The following HPSE2 variants were observed in gnomAD, a reference collection of about 807,000 sequenced individuals.
HPSE2 encodes inactive heparanase-2.
In HPSE2, 38 loss-of-function variants were observed where a neutral mutation model predicts 60.5. That is an observed-to-expected ratio of 0.63 (90% CI 0.48 to 0.82). HPSE2 has a LOEUF of 0.82. Among genes scored for constraint, HPSE2 ranks in the 40% least tolerant of loss-of-function variants. HPSE2 has a pLI of 0.00. For missense variants in HPSE2, 713 were observed against 740.4 expected (o/e 0.96, Z 0.43); for synonymous variants, 295 against 293.2 (o/e 1.01, Z -0.06).
chr10:98,725,312 C>A (rs1276402232), intron 4 of HPSE2, among the ~76,000 whole-genome samples: 1 of 152,124 alleles, frequency 6.6e-6, no homozygotes, highest in East Asian at 1.9e-4. Flanking sequence ...TGGAACAGAA[C>A]AGAGCCCTCA....
intron 6 of HPSE2, among the ~76,000 whole-genome samples, chr10:98,645,378 A>G (rs1307556593): frequency 6.6e-6 from 1 of 152,228 alleles, no homozygotes; most frequent in African/African-American, 2.4e-5. Context: ...CTTCAAGAGA[A>G]TAAGGGAAAT....
At chr10:99,004,396 C>T (rs1325605284) in intron 3 of HPSE2, among the ~76,000 whole-genome samples, 1 of 151,682 alleles carries the variant, frequency 6.6e-6, no homozygotes, top group Admixed American at 6.6e-5. Context: ...GTATGCTTTA[C>T]CATCTTACTT....
chr10:98,945,443 C>T (rs1335441958), intron 3 of HPSE2, among the ~76,000 whole-genome samples: 1 of 152,126 alleles, frequency 6.6e-6, no homozygotes, highest in Non-Finnish European at 1.5e-5. Context: ...GAAAGATTCT[C>T]TCATTGCTTT....
At chr10:99,133,013 A>C (rs1370942875) in intron 3 of HPSE2, among the ~76,000 whole-genome samples, 1 of 152,208 alleles carries the variant, frequency 6.6e-6, no homozygotes, top group African/African-American at 2.4e-5. Context: ...CTGCCAGCAC[A>C]CCAGCAGTCT....
intron 7 of HPSE2, among the ~76,000 whole-genome samples, chr10:98,637,690 C>G (rs78955613): frequency 0.027 from 4,086 of 152,282 alleles, 208 homozygotes; most frequent in African/African-American, 0.093. Flanking sequence ...ATTTATCAAG[C>G]CACTCCCACA....
intron 3 of HPSE2, among the ~76,000 whole-genome samples, chr10:98,756,124 C>T (rs964618889): frequency 2.0e-5 from 3 of 151,984 alleles, no homozygotes; most frequent in Non-Finnish European, 2.9e-5. Flanking sequence ...TTCTTTAAGA[C>T]GAATGAAAAC....
Position 99,144,509 on chromosome 10 carries a change from C to T in HPSE2, c.449-110G>A, listed in dbSNP as rs545516926. 232 of 1,264,874 alleles carry T rather than the reference C, an allele frequency of 1.8e-4. 1 individual carries two copies. The African/African-American group carries it at 3.0e-3, about 17-fold the overall frequency. 78.4% of individuals were successfully genotyped at this position (1,264,874 alleles called of 1,614,324 possible). A position where few individuals can be genotyped will look rare whatever the true frequency, so the allele number is the denominator to read the frequency against. On this transcript the variant is annotated intron_variant, in intron 2 of 11. Coordinates refer to ENST00000370552, the MANE Select transcript of HPSE2 (RefSeq NM_021828.5). ...AATGACAGAATTAATAAGCTACCAG[C>T]ATTTTCATCAACCTAAAGAGATGCA...
chr10:99,066,179 G>A (rs923198411), intron 3 of HPSE2, among the ~76,000 whole-genome samples: 1 of 152,170 alleles, frequency 6.6e-6, no homozygotes, highest in African/African-American at 2.4e-5. Context: ...TATCTGGATA[G>A]TCTCTGCCAA....
the HPSE2 span, among the ~76,000 whole-genome samples, chr10:99,253,109 T>C: frequency 6.6e-6 from 1 of 152,170 alleles, no homozygotes; most frequent in Admixed American, 6.5e-5. Context: ...AATGTCATTT[T>C]TCACAGAACT....
At chr10:99,252,876 C>CA in the HPSE2 span, among the ~76,000 whole-genome samples, 4 of 103,852 alleles carry the variant, frequency 3.9e-5, no homozygotes, top group Non-Finnish European at 6.1e-5. Context: ...GACTCCGTCT[C>CA]AAAAAAAAAA....
At chr10:99,128,848 A>C (rs910103679) in intron 3 of HPSE2, among the ~76,000 whole-genome samples, 1 of 152,162 alleles carries the variant, frequency 6.6e-6, no homozygotes, top group African/African-American at 2.4e-5. Context: ...AATAAAATTT[A>C]ATTTCATTTT....
At chr10:99,197,644 T>C (rs191157703) in intron 2 of HPSE2, among the ~76,000 whole-genome samples, 3 of 152,284 alleles carry the variant, frequency 2.0e-5, no homozygotes, top group Admixed American at 6.5e-5. Context: ...ATCATGTAAA[T>C]GTAATATAGA....
chr10:99,013,995 G>A, intron 3 of HPSE2: 1 of 347,720 alleles, frequency 2.9e-6, no homozygotes, highest in Non-Finnish European at 5.9e-6. Flanking sequence ...AGACCGCCTG[G>A]CCTCCCTGGC....
intron 3 of HPSE2, among the ~76,000 whole-genome samples, chr10:98,799,261 C>T (rs991828834): frequency 1.3e-5 from 2 of 151,946 alleles, no homozygotes; most frequent in African/African-American, 4.8e-5. Flanking sequence ...ATATATGTAC[C>T]CAATACTGGA....
At chr10:98,513,372 G>A (rs551647962) in intron 9 of HPSE2, among the ~76,000 whole-genome samples, 1 of 152,328 alleles carries the variant, frequency 6.6e-6, no homozygotes, top group South Asian at 2.1e-4. Flanking sequence ...AGTGGCAGCA[G>A]TGAGAAACAT....
At position 98,482,760 on chromosome 10, in the gene HPSE2, T is replaced by C. The variant is rs139242637; in HGVS notation, c.1489A>G (p.Ile497Val). 1 of 1,614,138 alleles carries C rather than the reference T, an allele frequency of 6.2e-7. No individual in the cohort carries two copies. The highest frequency in any genetic ancestry group is 8.5e-7 in the Non-Finnish European group (1 of 1,180,034). Reference protein sequence around the residue: ...HHNHNYVRGSITLFIINLHRS... With the variant: ...HHNHNYVRGSVTLFIINLHRS... Reference sequence around the variant, plus strand: ...TGCAAGTTGATGATAAAAAGTGTAATGGACCCACGAACGTAGTTGTGGCTG... The same window carrying C: ...TGCAAGTTGATGATAAAAAGTGTAACGGACCCACGAACGTAGTTGTGGCTG... Residue 497 changes from isoleucine (I) to valine (V), a missense_variant, in exon 11 of 12, where the codon ATT (isoleucine) becomes GTT (valine). By Grantham distance (29) the Ile-to-Val change is conservative. Transcript: ENST00000370552.
At chr10:98,569,483 TAG>T (rs1198423731) in intron 9 of HPSE2, among the ~76,000 whole-genome samples, 1 of 152,200 alleles carries the variant, frequency 6.6e-6, no homozygotes, top group Non-Finnish European at 1.5e-5. Context: ...AACAAAAATA[TAG>T]AGTTATACCA....
intron 6 of HPSE2, among the ~76,000 whole-genome samples, chr10:98,658,742 A>G (rs1947144118): frequency 6.6e-6 from 1 of 152,216 alleles, no homozygotes; most frequent in African/African-American, 2.4e-5. Context: ...AAAAGACATT[A>G]CTTTCAAAAG....
intron 3 of HPSE2, among the ~76,000 whole-genome samples, chr10:98,783,004 T>C (rs1342757159): frequency 1.7e-4 from 20 of 116,244 alleles, no homozygotes; most frequent in African/African-American, 6.9e-4. Context: ...GTTAGTTACA[T>C]ATGTATACAT....
Sources: allele counts gnomAD v4.1 joint callset (sites outside exome capture counted in the v4.1 genomes callset), GRCh38; gene constraint gnomAD v4.1.1; transcripts MANE v1.5; gene names NCBI Gene and HGNC (gene_info 2026-07-23, HGNC 2026-07-21).